MYH8: variants seen among roughly 807,000 people sequenced by gnomAD.
MYH8 encodes myosin-8.
In MYH8, 168 loss-of-function variants were observed where a neutral mutation model predicts 233.2. The ratio of observed to expected loss-of-function variants is 0.72; its 90% CI spans 0.64 to 0.82. The LOEUF is 0.82. Ranked by LOEUF, MYH8 falls within the 40% of genes least tolerant of loss-of-function variation. The pLI, the probability that MYH8 is intolerant of heterozygous loss-of-function variation, is 0.00. For synonymous variants in MYH8, 785 were observed against 850.6 expected (o/e 0.92, Z 1.34); for missense variants, 1,995 against 2,327.8 (o/e 0.86, Z 2.94).
chr17:10,402,607 A>G (rs2072153428), intron 22 of MYH8, among the ~76,000 whole-genome samples: 1 of 151,578 alleles, frequency 6.6e-6, no homozygotes, highest in Non-Finnish European at 1.5e-5. Flanking sequence ...ACACACATAG[A>G]CACATATATA....
intron 39 of MYH8, among the ~76,000 whole-genome samples, chr17:10,391,667 G>A (rs1040584379): frequency 6.6e-6 from 1 of 152,130 alleles, no homozygotes; most frequent in African/African-American, 2.4e-5. Context: ...GTGACACAGC[G>A]AGGCTCTGTG....
In MYH8 at chr17:10,396,812, G is replaced by A. The variant is rs756865778; in HGVS notation, c.4353C>T (p.Asn1451=). 95 of 1,614,088 alleles carry A rather than the reference G, an allele frequency of 5.9e-5. No individual in the cohort carries two copies. Among genetic ancestry groups the A allele is most frequent in the Non-Finnish European group, 7.0e-5 (83 of 1,180,046 alleles). The change falls in exon 31 of 40, where the codon AAC becomes AAT. Residue 1451 remains asparagine (N), a synonymous_variant. Coordinates refer to ENST00000403437, the MANE Select transcript of MYH8 (RefSeq NM_002472.3). This position sits in a 1 kb window ranked among gnomAD's most constrained non-coding sequence, Gnocchi z 4.2. ...AAGCAGTCTGGGCCACCTTGTCAAA[G>A]TTCCTTTGCTTCTTATCAAGGGCTG... is the stretch of plus-strand genomic sequence containing the variant. ...ACAALDKKQR[N]FDKVLSEWKQ...
At position 10,401,459 on chromosome 17, in the gene MYH8, G is replaced by T. The variant is rs758208482; in HGVS notation, c.2932-8C>A. On this transcript the variant is annotated splice_polypyrimidine_tract_variant and splice_region_variant and intron_variant, in intron 23 of 39. Coordinates refer to ENST00000403437, the MANE Select transcript of MYH8 (RefSeq NM_002472.3). Reference sequence around the variant, plus strand: ...TTCTGTAAGATTTTTCACCTACAAAGGTTAAGAAAGAGATTATTTCTCCTA... The same window carrying T: ...TTCTGTAAGATTTTTCACCTACAAATGTTAAGAAAGAGATTATTTCTCCTA... 42 of 1,613,868 alleles carry T rather than the reference G, an allele frequency of 2.6e-5. No individual in the cohort carries two copies. The highest frequency in any genetic ancestry group is 3.2e-5 in the Non-Finnish European group (38 of 1,180,012).
At position 10,401,429 on chromosome 17, in the gene MYH8, A is replaced by G; in HGVS notation, c.2954T>C (p.Met985Thr). The G allele has an allele frequency of 1.9e-6, 3 of 1,614,016 alleles. No homozygotes were observed. The highest frequency in any genetic ancestry group is 1.7e-5 in the Admixed American group (1 of 60,012). The change falls in exon 24 of 40, where the codon ATG becomes ACG. Residue 985 changes from methionine (M) to threonine (T), a missense_variant. Physicochemically the swap from Met to Thr is moderately conservative, Grantham distance 81. This residue lies in a region of MYH8 where 1,498 missense variants were observed against 1,680.9 expected (regional missense o/e 0.89). Coordinates refer to ENST00000403437, the MANE Select transcript of MYH8 (RefSeq NM_002472.3). Reference sequence around the variant, plus strand: ...TGCAATGGTTTCATCCAGGCCTGCCATCTCTTCTGTAAGATTTTTCACCTA... The same window carrying G: ...TGCAATGGTTTCATCCAGGCCTGCCGTCTCTTCTGTAAGATTTTTCACCTA... ...ENKVKNLTEEMAGLDETIAKL... is the reference protein window; with the variant it reads ...ENKVKNLTEETAGLDETIAKL...
intron 5 of MYH8, among the ~76,000 whole-genome samples, chr17:10,416,313 T>A (rs1487952092): frequency 6.6e-6 from 1 of 152,226 alleles, no homozygotes; most frequent in Non-Finnish European, 1.5e-5. Context: ...CAGGATATCT[T>A]ATTGCATGTA....
intron 12 of MYH8, among the ~76,000 whole-genome samples, chr17:10,413,500 G>C (rs2072262570): frequency 6.6e-6 from 1 of 152,086 alleles, no homozygotes; most frequent in Non-Finnish European, 1.5e-5. Context: ...GATGACTCTA[G>C]GGGTATCTTT....
chr17:10,419,934 G>A lies in MYH8; in HGVS notation c.210+84C>T. On this transcript the variant is annotated intron_variant, in intron 3 of 39. Coordinates refer to ENST00000403437, the MANE Select transcript of MYH8 (RefSeq NM_002472.3). The surrounding 1 kb of genome is among the most constrained non-coding windows in gnomAD (Gnocchi z 4.0). The stretch of plus-strand genomic sequence containing the variant: ...TAGAAGGGTGTTTGCATTGGCAACA[G>A]GCTTGGAGATTCCCAGTAAGTTAGG... The A allele has an allele frequency of 6.9e-7, 1 of 1,443,950 alleles. No homozygotes were observed. Among genetic ancestry groups the A allele is most frequent in the Non-Finnish European group, 9.7e-7 (1 of 1,027,700 alleles). 89.4% of individuals were successfully genotyped at this position (1,443,950 alleles called of 1,614,324 possible).
At chr17:10,392,327 G>C (rs1219060052) in intron 38 of MYH8, among the ~76,000 whole-genome samples, 3 of 152,180 alleles carry the variant, frequency 2.0e-5, no homozygotes, top group African/African-American at 7.2e-5. Flanking sequence ...TTTAAAATCT[G>C]TGTTCTTTAC....
chr17:10,420,168 T>G lies in MYH8; in HGVS notation c.60A>C (p.Arg20=). Residue 20 remains arginine (R), a synonymous_variant, in exon 3 of 40, where the codon CGA becomes CGC. Transcript: ENST00000403437. Reference sequence around the variant, plus strand: ...CCTCAATCCGCTCCTTTTCTGATTTTCGAAGGTAGGGAGCAGCTTCGCCAA... The same window carrying G: ...CCTCAATCCGCTCCTTTTCTGATTTGCGAAGGTAGGGAGCAGCTTCGCCAA... ...AVFGEAAPYL[R]KSEKERIEAQ... 1.2e-6 allele frequency: 2 copies of G among 1,614,112 alleles called. No individual in the cohort carries two copies. The highest frequency in any genetic ancestry group is 1.7e-6 in the Non-Finnish European group (2 of 1,180,034).
chr17:10,395,120 T>G lies in MYH8; in HGVS notation c.4962+13A>C. The G allele has an allele frequency of 1.2e-6, 2 of 1,612,660 alleles. No individual in the cohort carries two copies. Among genetic ancestry groups the G allele is most frequent in the Non-Finnish European group, 1.7e-6 (2 of 1,179,986 alleles). On this transcript the variant is annotated intron_variant, in intron 34 of 39. Transcript: ENST00000403437. Reference sequence around the variant, plus strand: ...CCCTGCTTCATCTGGGAGGCGAATGTGGACCCGTTTACCTTCAGGATTCCT... The same window carrying G: ...CCCTGCTTCATCTGGGAGGCGAATGGGGACCCGTTTACCTTCAGGATTCCT...
At position 10,404,726 on chromosome 17, in the gene MYH8, T is replaced by TACACACAC. The variant is rs60545187; in HGVS notation, c.2433-149_2433-142dup. 5.1e-6 allele frequency: 4 copies of TACACACAC among 777,612 alleles called. No homozygotes were observed. The African/African-American group carries it at 7.3e-5, about 14-fold the overall frequency. The allele number at this position is 777,612 out of a possible 1,614,324, so 48.2% of individuals were successfully genotyped here. ...TTCTCTATATATTATATGCAGGCTT[T>TACACACAC]ACACACACACACACACACACACACA... is the stretch of plus-strand genomic sequence containing the variant. On this transcript the variant is annotated intron_variant, in intron 21 of 39. Coordinates refer to ENST00000403437, the MANE Select transcript of MYH8 (RefSeq NM_002472.3).
At position 10,415,687 on chromosome 17, in the gene MYH8, A is replaced by G. The variant is rs2072284513; in HGVS notation, c.533T>C (p.Leu178Pro). ...MLTDRENQSI[L>P]ITGESGAGKT... ...AAGAAAAAAAATCACATACGTGATC[A>G]GGATGGACTGATTCTCTCGATCTGT... Residue 178 changes from leucine to proline, a missense_variant, in exon 6 of 40, where the codon CTG becomes CCG. By Grantham distance (98) the Leu-to-Pro change is moderately conservative. Transcript: ENST00000403437. This position sits in a 1 kb window ranked among gnomAD's most constrained non-coding sequence, Gnocchi z 4.1. The G allele has an allele frequency of 1.1e-5, 18 of 1,614,040 alleles. No homozygotes were observed. The highest frequency in any genetic ancestry group is 1.5e-5 in the Non-Finnish European group (18 of 1,179,914).
In MYH8 at chr17:10,420,107, A is replaced by T. The variant is rs753228332; in HGVS notation, c.121T>A (p.Phe41Ile). Residue 41 changes from phenylalanine to isoleucine, a missense_variant, in exon 3 of 40, where the codon TTT becomes ATT. Phe to Ile is a conservative substitution (Grantham distance 21). Coordinates refer to ENST00000403437, the MANE Select transcript of MYH8 (RefSeq NM_002472.3). Reference protein sequence around the residue: ...NKPFDAKTSVFVAEPKESYVK... With the variant: ...NKPFDAKTSVIVAEPKESYVK... ...TAGGATTCCTTGGGCTCCGCCACAAAGACAGATGTTTTAGCATCAAACGGC... is the reference window on the plus strand; with the variant it reads ...TAGGATTCCTTGGGCTCCGCCACAATGACAGATGTTTTAGCATCAAACGGC... 1 of 1,614,240 alleles carries T rather than the reference A, an allele frequency of 6.2e-7. No homozygotes were observed. The highest frequency in any genetic ancestry group is 8.5e-7 in the Non-Finnish European group (1 of 1,180,046).
In MYH8 at chr17:10,414,266, C is replaced by T. The variant is rs2072270147; in HGVS notation, c.934G>A (p.Asp312Asn). Reference protein sequence around the residue: ...EMLLITTNPYDYAFVSQGEIT... With the variant: ...EMLLITTNPYNYAFVSQGEIT... ...TCCCCCTGACTGACGAAGGCATAGT[C>T]ATATGGGTTGGTGGTGATCAGGAGC... is the stretch of plus-strand genomic sequence containing the variant. The change falls in exon 11 of 40, where the codon GAC becomes AAC. Residue 312 changes from aspartate (D) to asparagine (N), a missense_variant. By Grantham distance (23) the Asp-to-Asn change is conservative. This residue lies in a region of MYH8 where 479 missense variants were observed against 600.9 expected (regional missense o/e 0.80). Coordinates refer to ENST00000403437, the MANE Select transcript of MYH8 (RefSeq NM_002472.3). 1.2e-6 allele frequency: 2 copies of T among 1,614,170 alleles called. No homozygotes were observed. Among genetic ancestry groups the T allele is most frequent in the Admixed American group, 1.7e-5 (1 of 60,028 alleles).
rs748645815 is a variant in MYH8, at chr17:10,392,894, T to C, written c.5400A>G (p.Leu1800=). 1.2e-6 allele frequency: 2 copies of C among 1,614,234 alleles called. No homozygotes were observed. The highest frequency in any genetic ancestry group is 1.7e-6 in the Non-Finnish European group (2 of 1,180,040). Residue 1800 remains leucine (L), a synonymous_variant, in exon 37 of 40, where the codon CTA becomes CTG. Transcript: ENST00000403437. ...TCAGCGCCAGCTGCTCGGCCTCATC[T>C]AGACGATGCTGCAGGTCCTTCACCG... ...EQTVKDLQHR[L]DEAEQLALKG...
chr17:10,406,540 A>G, intron 19 of MYH8, 143 bp from the exon 20 acceptor site: 1 of 1,395,426 alleles, frequency 7.2e-7, no homozygotes, highest in Non-Finnish European at 1.0e-6. Flanking sequence ...AGATAGTAAA[A>G]CAATATGATT....
chr17:10,405,996 G>A, intron 21 of MYH8, 45 bp downstream of exon 21: 1 of 1,605,360 alleles, frequency 6.2e-7, no homozygotes, highest in African/African-American at 1.3e-5. Flanking sequence ...CTGATTGATA[G>A]TCCTTAAGGG....
chr17:10,415,604 A>G lies in MYH8; in HGVS notation c.540-24T>C, dbSNP rs755249582. The G allele has an allele frequency of 3.1e-6, 5 of 1,613,880 alleles. No homozygotes were observed. The East Asian group carries it at 1.1e-4, about 36-fold the overall frequency. Reference sequence around the variant, plus strand: ...CGCTGTCAAACAGAAATCAGAGAAGAGATCAGAGAACTATGGCCTGCATTG... The same window carrying G: ...CGCTGTCAAACAGAAATCAGAGAAGGGATCAGAGAACTATGGCCTGCATTG... On this transcript the variant is annotated intron_variant, in intron 6 of 39. Coordinates refer to ENST00000403437, the MANE Select transcript of MYH8 (RefSeq NM_002472.3). The surrounding 1 kb of genome is among the most constrained non-coding windows in gnomAD (Gnocchi z 4.1).
intron 12 of MYH8, 108 bp downstream of exon 12, chr17:10,413,794 G>A: frequency 6.7e-7 from 1 of 1,483,416 alleles, no homozygotes; most frequent in Non-Finnish European, 9.4e-7. Flanking sequence ...ATGTGTATAT[G>A]CCCTTCACAA....
Sources: gnomAD v4.1 joint callset for allele counts (sites outside exome capture counted in the v4.1 genomes callset) on GRCh38, gnomAD v4.1.1 for gene constraint, gnomAD v4.1.1 regional missense constraint, Gnocchi (gnomAD v3.1) non-coding constraint, MANE v1.5 for transcripts, NCBI Gene and HGNC (gene_info 2026-07-23, HGNC 2026-07-21) for gene names.